Variants in SLIT2 observed in about 807,000 individuals in gnomAD.
SLIT2 encodes the protein slit guidance ligand 2.
A neutral mutation model predicts 185.7 loss-of-function variants in SLIT2; 41 were observed. That is an observed-to-expected ratio of 0.22 (90% confidence interval 0.17 to 0.29). The LOEUF is 0.29. Ranked by LOEUF, SLIT2 falls within the 10% of genes least tolerant of loss-of-function variation. The pLI is 1.00. For synonymous variants in SLIT2, 693 were observed against 680.2 expected (o/e 1.02, Z -0.29); for missense variants, 1,571 against 1,909.0 (o/e 0.82, Z 3.30).
intron 4 of SLIT2, among the ~76,000 whole-genome samples, chr4:20,363,742 C>A (rs1429591657): frequency 1.3e-5 from 2 of 152,116 alleles, no homozygotes; most frequent in Non-Finnish European, 1.5e-5. Context: ...AATCATTTCA[C>A]TTCCATAAGG....
At chr4:20,322,076 C>T (rs1317737447) in intron 4 of SLIT2, among the ~76,000 whole-genome samples, 3 of 152,180 alleles carry the variant, frequency 2.0e-5, no homozygotes, top group Non-Finnish European at 4.4e-5. Context: ...GGGCTTTCAG[C>T]ATCCTACTCA....
chr4:20,605,990 C>T (rs1472452194), intron 33 of SLIT2, among the ~76,000 whole-genome samples: 4 of 152,050 alleles, frequency 2.6e-5, no homozygotes, highest in Non-Finnish European at 5.9e-5. Flanking sequence ...CTCAAGCAAT[C>T]CGCCCATCTT....
chr4:20,428,740 G>GT (rs1560415129), intron 4 of SLIT2, among the ~76,000 whole-genome samples: 4 of 152,050 alleles, frequency 2.6e-5, no homozygotes, highest in Admixed American at 2.6e-4. Flanking sequence ...ATTCTGCATC[G>GT]TTTTTTCCAT....
At chr4:20,371,086 C>G (rs1042865522) in intron 4 of SLIT2, among the ~76,000 whole-genome samples, 1 of 152,048 alleles carries the variant, frequency 6.6e-6, no homozygotes, top group African/African-American at 2.4e-5. Flanking sequence ...TGGGTCACTT[C>G]TTGGGAGAGC....
chr4:20,438,000 C>CTAG (rs961840268), intron 4 of SLIT2, among the ~76,000 whole-genome samples: 5 of 151,844 alleles, frequency 3.3e-5, no homozygotes, highest in Middle Eastern at 3.5e-3. Context: ...AATTCTGAAG[C>CTAG]TAGTCCTGAA....
intron 4 of SLIT2, among the ~76,000 whole-genome samples, chr4:20,331,037 C>A (rs1274420824): frequency 6.6e-6 from 1 of 152,040 alleles, no homozygotes; most frequent in African/African-American, 2.4e-5. Flanking sequence ...CCGTATCTAA[C>A]AAAACTCAGC....
At chr4:20,331,104 A>G (rs1720029323) in intron 4 of SLIT2, among the ~76,000 whole-genome samples, 1 of 152,158 alleles carries the variant, frequency 6.6e-6, no homozygotes, top group South Asian at 2.1e-4. Flanking sequence ...AAATTTGCCA[A>G]AAGCATTAGA....
chr4:20,253,944 G>A lies in SLIT2; in HGVS notation c.129G>A (p.Gly43=), dbSNP rs371393590. The A allele has an allele frequency of 5.6e-6, 9 of 1,602,772 alleles. No homozygotes were observed. The highest frequency in any genetic ancestry group is 6.8e-6 in the Non-Finnish European group (8 of 1,179,902). The change falls in exon 1 of 37, where the codon GGG becomes GGA. Residue 43 remains glycine, a synonymous_variant. Coordinates refer to ENST00000504154, the MANE Select transcript of SLIT2 (RefSeq NM_004787.4). Reference sequence around the variant, plus strand: ...CGGGCAGCACAGTGGACTGTCACGGGCTGGCGCTGCGCAGCGTGCCCAGGA... The same window carrying A: ...CGGGCAGCACAGTGGACTGTCACGGACTGGCGCTGCGCAGCGTGCCCAGGA... The part of the protein sequence containing the change: ...SCSGSTVDCH[G]LALRSVPRNI...
chr4:20,381,091 TA>T (rs979195669), intron 4 of SLIT2, among the ~76,000 whole-genome samples: 1 of 151,898 alleles, frequency 6.6e-6, no homozygotes, highest in African/African-American at 2.4e-5. Context: ...CCGTCTCTAC[TA>T]AAAATACAAA....
intron 3 of SLIT2, among the ~76,000 whole-genome samples, chr4:20,266,791 G>A (rs1329916139): frequency 6.6e-6 from 1 of 152,032 alleles, no homozygotes; most frequent in Non-Finnish European, 1.5e-5. Context: ...CTTATCAAAT[G>A]CTGTGGGGAC....
At chr4:20,579,478 C>T (rs1256477498) in intron 29 of SLIT2, among the ~76,000 whole-genome samples, 1 of 152,004 alleles carries the variant, frequency 6.6e-6, no homozygotes, top group East Asian at 1.9e-4. Flanking sequence ...AGTTTCTAGG[C>T]CGGGATGCTA....
intron 21 of SLIT2, among the ~76,000 whole-genome samples, chr4:20,545,402 G>T (rs935818436): frequency 6.6e-6 from 1 of 151,570 alleles, no homozygotes; most frequent in Non-Finnish European, 1.5e-5. Context: ...TTATTCTTCT[G>T]ACTCTAATAA....
At chr4:20,373,486 GTAAATCCTACTAAAATTTTATCTA>G (rs1723760033) in intron 4 of SLIT2, among the ~76,000 whole-genome samples, 1 of 151,868 alleles carries the variant, frequency 6.6e-6, no homozygotes, top group African/African-American at 2.4e-5. Context: ...TATTCTTGGT[GTAAATCCTACTAAAATTTTATCTA>G]TCCTGTAATA....
intron 4 of SLIT2, among the ~76,000 whole-genome samples, chr4:20,444,525 C>G (rs1271416633): frequency 1.3e-5 from 2 of 152,090 alleles, no homozygotes; most frequent in African/African-American, 4.8e-5. Flanking sequence ...ATGTTAAAAT[C>G]CTGTCAAAAG....
rs1560455789 is a variant in SLIT2 at position 20,472,638 on chromosome 4, C to CGATATATCTAGATATATCGATATATATA, written c.467+4822_467+4823insCTAGATATATCGATATATATAGATATAT. 5.9e-5 allele frequency among the ~76,000 whole-genome samples: 2 copies of CGATATATCTAGATATATCGATATATATA among 34,060 alleles called. 1 individual carries two copies. The highest frequency in any genetic ancestry group is 1.3e-4 in the Non-Finnish European group (2 of 15,966). 22.3% of individuals were successfully genotyped at this position (34,060 alleles called of 152,430 possible). On this transcript the variant is annotated intron_variant, in intron 5 of 36. Coordinates refer to ENST00000504154, the MANE Select transcript of SLIT2 (RefSeq NM_004787.4). ...TATATATCGATATATCTATATATAT[C>CGATATATCTAGATATATCGATATATATA]GATATATATATTTAAAAGCCTTAAC...
intron 9 of SLIT2, among the ~76,000 whole-genome samples, chr4:20,508,228 A>G (rs1163310097): frequency 6.6e-6 from 1 of 152,020 alleles, no homozygotes; most frequent in Non-Finnish European, 1.5e-5. Flanking sequence ...CGAATAGAAT[A>G]TAGTGGAATA....
chr4:20,277,160 T>G (rs1159099223), intron 4 of SLIT2, among the ~76,000 whole-genome samples: 1 of 152,148 alleles, frequency 6.6e-6, no homozygotes, highest in Non-Finnish European at 1.5e-5. Context: ...GATGAAAATG[T>G]TGTGTTTACA....
At chr4:20,379,252 A>C (rs1281743764) in intron 4 of SLIT2, among the ~76,000 whole-genome samples, 2 of 152,184 alleles carry the variant, frequency 1.3e-5, no homozygotes. Flanking sequence ...GAAGCTCTGC[A>C]CATGTGGGGG....
chr4:20,387,069 G>A (rs991236976), intron 4 of SLIT2, among the ~76,000 whole-genome samples: 4 of 152,114 alleles, frequency 2.6e-5, no homozygotes, highest in Non-Finnish European at 5.9e-5. Flanking sequence ...TTACCTGACC[G>A]CCTTCTGGTA....
Sources: allele counts gnomAD v4.1 joint callset (sites outside exome capture counted in the v4.1 genomes callset), GRCh38; gene constraint gnomAD v4.1.1; transcripts MANE v1.5; gene names NCBI Gene and HGNC (gene_info 2026-07-23, HGNC 2026-07-21).